PPAT: variants seen among roughly 807,000 people sequenced by gnomAD.
PPAT encodes the protein phosphoribosyl pyrophosphate amidotransferase.
A neutral mutation model predicts 60.2 loss-of-function variants in PPAT; 20 were observed. That is an observed-to-expected ratio of 0.33 (90% confidence interval 0.23 to 0.48). The LOEUF (loss-of-function observed/expected upper bound fraction) is 0.48, where lower values mean the gene tolerates loss of function less well. Among genes scored for constraint, PPAT ranks in the 20% least tolerant of loss-of-function variants. The pLI is 0.99. For missense variants in PPAT, 349 were observed against 629.6 expected, an observed-to-expected ratio of 0.55 and a Z score of 4.77; for synonymous variants, 194 against 215.1, an observed-to-expected ratio of 0.90 and a Z score of 0.86.
intron 9 of PPAT, among the ~76,000 whole-genome samples, 196 bp downstream of exon 9, chr4:56,398,983 T>C (rs546010618): frequency 1.3e-5 from 2 of 152,182 alleles, no homozygotes; most frequent in East Asian, 1.9e-4. Context: ...TTTTAATCTA[T>C]TAAGGATTAC....
At chr4:56,399,093 A>AT (rs756596200) in intron 9 of PPAT, 86 bp downstream of exon 9, 13 of 1,166,314 alleles carry the variant, frequency 1.1e-5, no homozygotes, top group Non-Finnish European at 1.5e-5. Flanking sequence ...TTGAACATCC[A>AT]TTTTGATTCA....
In PPAT at chr4:56,435,534, A is replaced by G. The variant is rs1031709970; in HGVS notation, c.-57T>C. 3.7e-6 allele frequency: 6 copies of G among 1,610,446 alleles called. No homozygotes were observed. Among genetic ancestry groups the G allele is most frequent in the Admixed American group, 1.7e-5 (1 of 59,908 alleles). ...CGCTGCGGCCAAGGTGTAAGCACCA[A>G]CCAGCTGCCAGCTCGGCCCGTCGAG... On this transcript the variant is annotated 5_prime_UTR_variant, in exon 1 of 11. Coordinates refer to ENST00000264220, the MANE Select transcript of PPAT (RefSeq NM_002703.5).
intron 1 of PPAT, among the ~76,000 whole-genome samples, chr4:56,409,121 G>A (rs1001848958): frequency 6.6e-6 from 1 of 152,148 alleles, no homozygotes; most frequent in Non-Finnish European, 1.5e-5. Flanking sequence ...TAGCATGCGT[G>A]ATATAATTTG....
At chr4:56,425,095 A>G (rs1240843879) in intron 1 of PPAT, among the ~76,000 whole-genome samples, 1 of 152,210 alleles carries the variant, frequency 6.6e-6, no homozygotes, top group Admixed American at 6.5e-5. Context: ...CCAAAATTCA[A>G]AAAGTTCACA....
chr4:56,403,292 G>C lies in PPAT; in HGVS notation c.512C>G (p.Ala171Gly). 1 of 1,611,472 alleles carries C rather than the reference G, an allele frequency of 6.2e-7. No homozygotes were observed. The highest frequency in any genetic ancestry group is 8.5e-7 in the Non-Finnish European group (1 of 1,177,674). The change falls in exon 4 of 11, where the codon GCC (alanine) becomes GGC (glycine). Residue 171 changes from alanine (A) to glycine (G), a missense_variant. Ala to Gly is a moderately conservative substitution (Grantham distance 60). Around this residue, in one of 5 missense-constraint regions of PPAT, gnomAD observed 63 missense variants for 86.9 expected, o/e 0.73. Transcript: ENST00000264220. ...TTTAGTCCAGTTCTCTGCTTACCTG[G>C]CTACCCAGTCTGGGGTGTCATCTTG... ...QEQDDTPDWV[A>G]RIKNLMKEAP... is the part of the protein sequence containing the mutation.
Position 56,407,688 on chromosome 4 carries a change from T to C in PPAT, c.157A>G (p.Ser53Gly). 1 of 1,606,174 alleles carries C rather than the reference T, an allele frequency of 6.2e-7. No homozygotes were observed. Among genetic ancestry groups the C allele is most frequent in the Non-Finnish European group, 8.5e-7 (1 of 1,172,542 alleles). ...AATGTTGGCACCGAACTCCCATCAC[T>C]AGTCACAATACCAGCACTCTCCTGA... ...RGQESAGIVT[S>G]DGSSVPTFKS... The change falls in exon 2 of 11, where the codon AGT (serine) becomes GGT (glycine). Residue 53 changes from serine (S) to glycine (G), a missense_variant. By Grantham distance (56) the Ser-to-Gly change is moderately conservative. Around this residue, in one of 5 missense-constraint regions of PPAT, gnomAD observed 115 missense variants for 174.5 expected, o/e 0.66. Transcript: ENST00000264220.
intron 3 of PPAT, among the ~76,000 whole-genome samples, chr4:56,405,619 A>G (rs1716223664): frequency 6.6e-6 from 1 of 152,220 alleles, no homozygotes; most frequent in Admixed American, 6.5e-5. Flanking sequence ...ATAAAAATCC[A>G]CAATGACTAG....
At chr4:56,421,064 G>T (rs1263463601) in intron 1 of PPAT, 1 of 152,232 alleles carries the variant, frequency 6.6e-6, no homozygotes, top group African/African-American at 2.4e-5. Context: ...TGTATTTACA[G>T]ACACTCCCCA....
chr4:56,427,227 C>G (rs1007635735), intron 1 of PPAT, among the ~76,000 whole-genome samples: 2 of 152,148 alleles, frequency 1.3e-5, no homozygotes, highest in African/African-American at 2.4e-5. Context: ...GCTTTCAATT[C>G]TTTTGGGTAT....
intron 3 of PPAT, among the ~76,000 whole-genome samples, chr4:56,405,503 T>C (rs1163422670): frequency 1.3e-5 from 2 of 152,174 alleles, no homozygotes; most frequent in African/African-American, 4.8e-5. Flanking sequence ...GGTTGGAGCT[T>C]CCAGCTTCAT....
At chr4:56,433,700 T>TTC (rs1553940603) in intron 1 of PPAT, among the ~76,000 whole-genome samples, 1 of 33,094 alleles carries the variant, frequency 3.0e-5, no homozygotes, top group African/African-American at 1.1e-4. Context: ...ATAACAACTG[T>TTC]TTTTTTTTTT....
chr4:56,432,757 C>A (rs1159125667), intron 1 of PPAT, among the ~76,000 whole-genome samples: 1 of 149,102 alleles, frequency 6.7e-6, no homozygotes, highest in Non-Finnish European at 1.5e-5. Context: ...TGAACTCCAC[C>A]CCAGCCTGGG....
In PPAT at chr4:56,406,849, C is replaced by T. The variant is rs1004013833; in HGVS notation, c.196-148G>A. ...TCAGAATTCTAATCTAAAAAAAAGT[C>T]AAAAACAAATAACCTAATTGTAAGA... On this transcript the variant is annotated intron_variant, in intron 2 of 10. Coordinates refer to ENST00000264220, the MANE Select transcript of PPAT (RefSeq NM_002703.5). The T allele has an allele frequency of 8.8e-6, 6 of 681,352 alleles. No homozygotes were observed. In the African/African-American group the frequency reaches 1.1e-4, roughly 12 times the overall value. 42.2% of individuals were successfully genotyped at this position (681,352 alleles called of 1,614,324 possible).
At chr4:56,407,765 T>TTC (rs780056463) in intron 1 of PPAT, 49 bp from the exon 2 acceptor site, 183 of 1,400,724 alleles carry the variant, frequency 1.3e-4, no homozygotes, top group Admixed American at 4.0e-4. Context: ...ATTGATTAGC[T>TTC]TCTTGAAGAA....
At chr4:56,406,760 C>T (rs1389805566) in intron 2 of PPAT, 59 bp from the exon 3 acceptor site, 18 of 1,194,242 alleles carry the variant, frequency 1.5e-5, no homozygotes, top group South Asian at 7.8e-5. Context: ...TAGTAATAAA[C>T]GCCTCTCTTC....
At chr4:56,434,794 T>C (rs895166168) in intron 1 of PPAT, among the ~76,000 whole-genome samples, 7 of 152,234 alleles carry the variant, frequency 4.6e-5, no homozygotes, top group Non-Finnish European at 7.3e-5. Context: ...TAGTCATCTT[T>C]CCCTGGGTCT....
intron 1 of PPAT, chr4:56,422,687 A>G (rs900904122): frequency 1.3e-5 from 2 of 152,092 alleles, no homozygotes; most frequent in African/African-American, 4.8e-5. Flanking sequence ...GTGCCCTCAT[A>G]ATGGGTTTTA....
At position 56,394,635 on chromosome 4, in the gene PPAT, T is replaced by C. The variant is rs111673999; in HGVS notation, c.*717A>G. ...ATCTCAAAGAGAGATGGCAAAGATC[T>C]GCCAATTATGTCTCCTTCCATCATA... is the stretch of plus-strand genomic sequence containing the variant. On this transcript the variant is annotated 3_prime_UTR_variant, in exon 11 of 11. Coordinates refer to ENST00000264220, the MANE Select transcript of PPAT (RefSeq NM_002703.5). The C allele has an allele frequency of 3.7e-4, 56 of 152,312 alleles. 1 individual carries two copies. The highest frequency in any genetic ancestry group is 1.2e-3 in the African/African-American group (51 of 41,584). 9.4% of individuals were successfully genotyped at this position (152,312 alleles called of 1,614,324 possible).
chr4:56,415,212 T>C (rs1349367599), intron 1 of PPAT, among the ~76,000 whole-genome samples: 1 of 152,150 alleles, frequency 6.6e-6, no homozygotes, highest in Non-Finnish European at 1.5e-5. Context: ...CTCAATAAAA[T>C]AGAAGTGGAA....
Sources: gnomAD v4.1 joint callset for allele counts (sites outside exome capture counted in the v4.1 genomes callset) on GRCh38, gnomAD v4.1.1 for gene constraint, gnomAD v4.1.1 regional missense constraint, MANE v1.5 for transcripts, NCBI Gene and HGNC (gene_info 2026-07-23, HGNC 2026-07-21) for gene names.